ASTN2: variants seen among roughly 807,000 people sequenced by gnomAD.
ASTN2 encodes the protein astrotactin-2.
In ASTN2, 54 loss-of-function variants were observed where a neutral mutation model predicts 139.8. That is an observed-to-expected ratio of 0.39 (90% CI 0.31 to 0.48). The LOEUF (loss-of-function observed/expected upper bound fraction) is 0.48, where lower values mean the gene tolerates loss of function less well. ASTN2 is among the 20% of genes least tolerant of loss of function. The pLI is 0.95. For synonymous variants in ASTN2, 756 were observed against 719.5 expected, an observed-to-expected ratio of 1.05 and a Z score of -0.81; for missense variants, 1,565 against 1,725.1, an observed-to-expected ratio of 0.91 and a Z score of 1.64.
At chr9:117,055,018 A>G (rs1222634161) in intron 5 of ASTN2, among the ~76,000 whole-genome samples, 1 of 152,142 alleles carries the variant, frequency 6.6e-6, no homozygotes, top group Non-Finnish European at 1.5e-5. Flanking sequence ...CTGATCTGAA[A>G]AGAGGCGGAG....
intron 16 of ASTN2, among the ~76,000 whole-genome samples, chr9:116,672,303 C>A (rs1859245393): frequency 6.6e-6 from 1 of 151,472 alleles, no homozygotes; most frequent in Admixed American, 6.6e-5. Flanking sequence ...GAGGTCAAGG[C>A]TGCAGTGAGC....
At chr9:117,323,722 A>G (rs1222223635) in intron 1 of ASTN2, among the ~76,000 whole-genome samples, 1 of 152,154 alleles carries the variant, frequency 6.6e-6, no homozygotes, top group East Asian at 1.9e-4. Context: ...TCTAATACTA[A>G]TTATTTCCCA....
rs749146435 is a variant in ASTN2, at chr9:116,699,312, G to A, written c.2806+26459C>T. 6.2e-7 allele frequency: 1 copy of A among 1,614,202 alleles called. No individual in the cohort carries two copies. The highest frequency in any genetic ancestry group is 2.2e-5 in the East Asian group (1 of 44,874). ...GCCCAAATTTGTCACCTGTGATGCT[G>A]AGGGCACCGTCTACTTCACCCAGGG... is the stretch of plus-strand genomic sequence containing the variant. On this transcript the variant is annotated intron_variant, in intron 16 of 22. Transcript: ENST00000313400. This position sits in a 1 kb window ranked among gnomAD's most constrained non-coding sequence, Gnocchi z 4.2.
chr9:116,623,386 G>A (rs1856274174), intron 17 of ASTN2, among the ~76,000 whole-genome samples: 1 of 152,024 alleles, frequency 6.6e-6, no homozygotes, highest in African/African-American at 2.4e-5. Flanking sequence ...CAATGGCCAG[G>A]CAAACACTGG....
chr9:117,279,271 T>G (rs1001970476), intron 2 of ASTN2, among the ~76,000 whole-genome samples: 2 of 152,188 alleles, frequency 1.3e-5, no homozygotes, highest in Admixed American at 1.3e-4. Context: ...AGCAGAGAGC[T>G]CATTTGGAAC....
intron 10 of ASTN2, among the ~76,000 whole-genome samples, chr9:116,922,862 G>T (rs1242977497): frequency 6.6e-6 from 1 of 152,174 alleles, no homozygotes; most frequent in African/African-American, 2.4e-5. Flanking sequence ...TTTGGAGACT[G>T]AAAGAGATTT....
rs1828841484 is a variant in ASTN2 at position 116,733,457 on chromosome 9, C to T, written c.2463G>A (p.Val821=). Residue 821 remains valine, a synonymous_variant, in exon 14 of 23, where the codon GTG becomes GTA. Transcript: ENST00000313400. ...AGAGGACCCCCCGGCACTGCTCCTCCACCGGCAGCGGGATCACCAACAGCC... is the reference window on the plus strand; with the variant it reads ...AGAGGACCCCCCGGCACTGCTCCTCTACCGGCAGCGGGATCACCAACAGCC... ...ADGLLVIPLP[V]EEQCRGVLSE... is the part of the protein sequence containing the mutation. 1.2e-6 allele frequency: 2 copies of T among 1,614,054 alleles called. No homozygotes were observed. Among genetic ancestry groups the T allele is most frequent in the African/African-American group, 1.3e-5 (1 of 74,918 alleles).
chr9:116,610,486 C>G (rs979849020), intron 19 of ASTN2, among the ~76,000 whole-genome samples: 1 of 152,090 alleles, frequency 6.6e-6, no homozygotes, highest in Non-Finnish European at 1.5e-5. Flanking sequence ...TGCCTGTAAT[C>G]TCAGCTACTC....
chr9:117,224,573 A>G (rs1832640302), intron 2 of ASTN2, among the ~76,000 whole-genome samples: 1 of 152,206 alleles, frequency 6.6e-6, no homozygotes, highest in South Asian at 2.1e-4. Context: ...CAGCCATCCC[A>G]GCTCTAATAT....
chr9:116,975,308 C>A lies in ASTN2; in HGVS notation c.1789G>T (p.Val597Phe). 6.2e-7 allele frequency: 1 copy of A among 1,613,180 alleles called. No individual in the cohort carries two copies. Among genetic ancestry groups the A allele is most frequent in the Non-Finnish European group, 8.5e-7 (1 of 1,179,582 alleles). The change falls in exon 10 of 23, where the codon GTC becomes TTC. Residue 597 changes from valine (V) to phenylalanine (F), a missense_variant. Physicochemically the swap from Val to Phe is conservative, Grantham distance 50 (BLOSUM62 -1). Around this residue, in one of 4 missense-constraint regions of ASTN2, gnomAD observed 503 missense variants for 591.7 expected, o/e 0.85. Coordinates refer to ENST00000313400, the MANE Select transcript of ASTN2 (RefSeq NM_001365068.1). The stretch of plus-strand genomic sequence containing the variant: ...GGCGGAACCACAAAGCTTTTGCTGA[C>A]AGGAAGCCAGAGGCCTTGGCCCAAG... ...FSLGQGLWLP[V>F]SKSFVVPPVE...
chr9:117,409,957 C>G (rs1831116118), intron 1 of ASTN2, among the ~76,000 whole-genome samples: 2 of 152,176 alleles, frequency 1.3e-5, no homozygotes, highest in South Asian at 2.1e-4. Flanking sequence ...CAGCTTCTTG[C>G]ATAAAGCAGC....
At position 116,699,906 on chromosome 9, in the gene ASTN2, A is replaced by G. The variant is rs1861090032; in HGVS notation, c.2806+25865T>C. The G allele has an allele frequency of 1.4e-6, 1 of 718,346 alleles. No individual in the cohort carries two copies. Among genetic ancestry groups the G allele is most frequent in the Non-Finnish European group, 2.3e-6 (1 of 430,412 alleles). The allele number at this position is 718,346 out of a possible 1,614,324, so 44.5% of individuals were successfully genotyped here. On this transcript the variant is annotated intron_variant, in intron 16 of 22. Coordinates refer to ENST00000313400, the MANE Select transcript of ASTN2 (RefSeq NM_001365068.1). This position sits in a 1 kb window ranked among gnomAD's most constrained non-coding sequence, Gnocchi z 4.2. ...CTTCCCACCTAAATTTAGAGCTTTA[A>G]AAGATGCACTGCCCAAATAGGACAC...
chr9:116,640,485 G>GT (rs553949440), intron 17 of ASTN2, among the ~76,000 whole-genome samples: 91 of 152,270 alleles, frequency 6.0e-4, no homozygotes, highest in African/African-American at 2.1e-3. Flanking sequence ...TGATAAATCA[G>GT]TAACAGTTCA....
intron 10 of ASTN2, among the ~76,000 whole-genome samples, chr9:116,886,674 T>TG (rs1266585389): frequency 1.3e-5 from 2 of 151,820 alleles, no homozygotes; most frequent in Non-Finnish European, 2.9e-5. Context: ...ACTTGCTTTT[T>TG]GTTGTTGTTT....
chr9:116,580,324 G>A (rs1853898783), intron 19 of ASTN2, among the ~76,000 whole-genome samples: 1 of 152,144 alleles, frequency 6.6e-6, no homozygotes, highest in African/African-American at 2.4e-5. Context: ...GTCTCTAATA[G>A]AGGGGCAAGA....
intron 2 of ASTN2, among the ~76,000 whole-genome samples, chr9:117,243,298 ATAAC>A (rs1047043953): frequency 1.6e-4 from 24 of 152,334 alleles, no homozygotes; most frequent in African/African-American, 5.5e-4. Flanking sequence ...TTTAATTCTC[ATAAC>A]TGAGAACAGA....
At position 117,017,958 on chromosome 9, in the gene ASTN2, T is replaced by TTA. The variant is rs1554769770; in HGVS notation, c.1424-9700_1424-9699insTA. Among the ~76,000 whole-genome samples, 350 of 142,528 alleles carry TTA rather than the reference T, an allele frequency of 2.5e-3. 3 individuals carry two copies. The highest frequency in any genetic ancestry group is 3.2e-3 in the Non-Finnish European group (209 of 65,840). The allele number at this position is 142,528 out of a possible 152,430, so 93.5% of individuals were successfully genotyped here. A position where few individuals can be genotyped will look rare whatever the true frequency, so the allele number is the denominator to read the frequency against. On this transcript the variant is annotated intron_variant, in intron 6 of 22. Coordinates refer to ENST00000313400, the MANE Select transcript of ASTN2 (RefSeq NM_001365068.1). ...GGACACAGCCAGATATCAGTCTCATTAAAAAAAAAAAAAAGTCACCTTGCT... is the reference window on the plus strand; with the variant it reads ...GGACACAGCCAGATATCAGTCTCATTTAAAAAAAAAAAAAAAGTCACCTTGCT...
At chr9:116,434,138 C>T (rs1300529445) in intron 22 of ASTN2, among the ~76,000 whole-genome samples, 1 of 151,800 alleles carries the variant, frequency 6.6e-6, no homozygotes, top group East Asian at 1.9e-4. Context: ...TTGAAGATAC[C>T]TTCAATTATA....
intron 3 of ASTN2, among the ~76,000 whole-genome samples, chr9:117,164,363 A>C (rs1248735293): frequency 6.6e-6 from 1 of 152,062 alleles, no homozygotes; most frequent in Non-Finnish European, 1.5e-5. Context: ...GTTTTTATGG[A>C]TTCATACTCC....
Sources: allele counts gnomAD v4.1 joint callset (sites outside exome capture counted in the v4.1 genomes callset), GRCh38; gene constraint gnomAD v4.1.1; regional missense constraint gnomAD v4.1.1; non-coding constraint Gnocchi (gnomAD v3.1); transcripts MANE v1.5; gene names NCBI Gene and HGNC (gene_info 2026-07-23, HGNC 2026-07-21).